Variants in CBFA2T3 observed in about 807,000 individuals in gnomAD.
CBFA2T3 encodes the protein CBFA2/RUNX1 partner transcriptional co-repressor 3, also known as transcriptional corepressor CBFA2T3.
CBFA2T3 carries 31 observed loss-of-function variants against 58.6 expected under a neutral mutation model. The observed-to-expected ratio is 0.53, with a 90% CI of 0.40 to 0.71. CBFA2T3 has a LOEUF of 0.71. Ranked by LOEUF, CBFA2T3 falls within the 30% of genes least tolerant of loss-of-function variation. The pLI is 0.00. For missense variants in CBFA2T3, 1,076 were observed against 963.1 expected, an observed-to-expected ratio of 1.12 and a Z score of -1.55; for synonymous variants, 531 against 421.9, an observed-to-expected ratio of 1.26 and a Z score of -3.17.
intron 1 of CBFA2T3, among the ~76,000 whole-genome samples, chr16:88,975,032 C>CT: frequency 7.1e-6 from 1 of 140,874 alleles, no homozygotes; most frequent in Non-Finnish European, 1.6e-5. Context: ...CAAGTGAGAC[C>CT]CTGCTCCCTC....
At chr16:88,919,449 G>A (rs960463640) in intron 1 of CBFA2T3, among the ~76,000 whole-genome samples, 3 of 152,188 alleles carry the variant, frequency 2.0e-5, no homozygotes, top group African/African-American at 7.2e-5. Context: ...GCAGCACCAG[G>A]GAACAAGCAC....
intron 5 of CBFA2T3, among the ~76,000 whole-genome samples, chr16:88,889,776 G>GGGACACTTCAAATCCCT (rs1969549422): frequency 6.7e-6 from 1 of 148,318 alleles, no homozygotes; most frequent in African/African-American, 2.5e-5. Context: ...TCCTCCTCCA[G>GGGACACTTCAAATCCCT]GGACGACGCC....
At chr16:88,883,253 G>T (rs1451536854) in intron 7 of CBFA2T3, 3 of 175,098 alleles carry the variant, frequency 1.7e-5, no homozygotes, top group African/African-American at 4.8e-5. Flanking sequence ...AACCTCACTG[G>T]GAGGAGCTGG....
At position 88,876,905 on chromosome 16, in the gene CBFA2T3, A is replaced by G. The variant is rs997715110; in HGVS notation, c.*71T>C. 4.9e-6 allele frequency: 6 copies of G among 1,225,576 alleles called. No homozygotes were observed. The highest frequency in any genetic ancestry group is 1.8e-5 in the South Asian group (1 of 56,066). The allele number at this position is 1,225,576 out of a possible 1,614,324, so 75.9% of individuals were successfully genotyped here. ...AGGCCAGGCATCGGAGGCCAGGCACAGCATCCGGTGGGCCTGGAGCTGGGT... is the reference window on the plus strand; with the variant it reads ...AGGCCAGGCATCGGAGGCCAGGCACGGCATCCGGTGGGCCTGGAGCTGGGT... On this transcript the variant is annotated 3_prime_UTR_variant, in exon 12 of 12. Coordinates refer to ENST00000268679, the MANE Select transcript of CBFA2T3 (RefSeq NM_005187.6).
At position 88,970,997 on chromosome 16, in the gene CBFA2T3, C is replaced by T. The variant is rs1049458674; in HGVS notation, c.151+5660G>A. 4.6e-5 allele frequency among the ~76,000 whole-genome samples: 7 copies of T among 152,106 alleles called. No homozygotes were observed. The South Asian group carries it at 1.0e-3, about 23-fold the overall frequency. On this transcript the variant is annotated intron_variant, in intron 1 of 11. Transcript: ENST00000268679. ...CACGGGCTCGGGAGGCTTGTGGAGCCGCCAGGCAGCCGGGGCTGTGAGTGC... is the reference window on the plus strand; with the variant it reads ...CACGGGCTCGGGAGGCTTGTGGAGCTGCCAGGCAGCCGGGGCTGTGAGTGC...
intron 1 of CBFA2T3, among the ~76,000 whole-genome samples, chr16:88,962,313 T>G (rs966848195): frequency 6.6e-6 from 1 of 152,246 alleles, no homozygotes; most frequent in Non-Finnish European, 1.5e-5. Flanking sequence ...TACTCGTACT[T>G]TTTTACTTTT....
In CBFA2T3 at chr16:88,875,649, C is replaced by T. The variant is rs995658197; in HGVS notation, c.*1327G>A. On this transcript the variant is annotated 3_prime_UTR_variant, in exon 12 of 12. Coordinates refer to ENST00000268679, the MANE Select transcript of CBFA2T3 (RefSeq NM_005187.6). ...GAGGGGGCCGAGAGAGGTCGGAGGG[C>T]GCGGAGAGGAGAGAGGTAGAGGAGG... 4.3e-6 allele frequency: 1 copy of T among 233,326 alleles called. No individual in the cohort carries two copies. Among genetic ancestry groups the T allele is most frequent in the Non-Finnish European group, 8.5e-6 (1 of 118,120 alleles). The allele number at this position is 233,326 out of a possible 1,614,324, so 14.5% of individuals were successfully genotyped here. A position where few individuals can be genotyped will look rare whatever the true frequency, so the allele number is the denominator to read the frequency against.
At chr16:88,913,184 C>T (rs182000906) in intron 1 of CBFA2T3, among the ~76,000 whole-genome samples, 76 of 152,338 alleles carry the variant, frequency 5.0e-4, no homozygotes, top group African/African-American at 7.7e-4. Context: ...TGGACGTCAG[C>T]GGCGGGCAGC....
At position 88,875,213 on chromosome 16, in the gene CBFA2T3, A is replaced by G. The variant is rs1032564322; in HGVS notation, c.*1763T>C. 4.7e-5 allele frequency: 11 copies of G among 232,670 alleles called. No homozygotes were observed. Among genetic ancestry groups the G allele is most frequent in the African/African-American group, 1.1e-4 (5 of 44,732 alleles). The allele number at this position is 232,670 out of a possible 1,614,324, so 14.4% of individuals were successfully genotyped here. On this transcript the variant is annotated 3_prime_UTR_variant, in exon 12 of 12. Transcript: ENST00000268679. The stretch of plus-strand genomic sequence containing the variant: ...GATGCCAAGCCACGGGCCACGCCAC[A>G]CGCACAGATGCCAGGCTGCGGGCCG...
In CBFA2T3 at chr16:88,877,388, G is replaced by A. The variant is rs886260105; in HGVS notation, c.1663-113C>T. ...CACGTCATCACCAGGTGAGAAGAGAGAAACTCCAAAGCCCCACAGCCCTCG... is the reference window on the plus strand; with the variant it reads ...CACGTCATCACCAGGTGAGAAGAGAAAAACTCCAAAGCCCCACAGCCCTCG... On this transcript the variant is annotated intron_variant, in intron 11 of 11. Transcript: ENST00000268679. The A allele has an allele frequency of 5.1e-5, 44 of 856,328 alleles. No individual in the cohort carries two copies. In the African/African-American group the frequency reaches 6.8e-4, roughly 13 times the overall value. The allele number at this position is 856,328 out of a possible 1,614,324, so 53.0% of individuals were successfully genotyped here. A position where few individuals can be genotyped will look rare whatever the true frequency, so the allele number is the denominator to read the frequency against.
At chr16:88,961,396 C>T (rs979888850) in intron 1 of CBFA2T3, among the ~76,000 whole-genome samples, 11 of 151,782 alleles carry the variant, frequency 7.2e-5, no homozygotes, top group South Asian at 6.2e-4. Context: ...TGACCCTCAG[C>T]GCTGGACATT....
intron 1 of CBFA2T3, among the ~76,000 whole-genome samples, chr16:88,954,026 C>T (rs1158011716): frequency 6.6e-6 from 1 of 152,116 alleles, no homozygotes; most frequent in Non-Finnish European, 1.5e-5. Flanking sequence ...CATCTAGAGT[C>T]CTGGTCCTTC....
At position 88,901,643 on chromosome 16, in the gene CBFA2T3, C is replaced by G. The variant is rs1192506119; in HGVS notation, c.165G>C (p.Arg55Ser). Reference protein sequence around the residue: ...PRKGGPAPVDRKAKASAMPDS... With the variant: ...PRKGGPAPVDSKAKASAMPDS... ...CCGGCATCGCTGAGGCCTTAGCTTT[C>G]CTGTCCACTGGGGCTGCGACCAACG... Residue 55 changes from arginine to serine, a missense_variant, in exon 2 of 12, where the codon AGG (arginine) becomes AGC (serine). Arg to Ser is a moderately radical substitution (Grantham distance 110). Coordinates refer to ENST00000268679, the MANE Select transcript of CBFA2T3 (RefSeq NM_005187.6). 2.0e-6 allele frequency: 3 copies of G among 1,531,782 alleles called. No individual in the cohort carries two copies. The highest frequency in any genetic ancestry group is 4.8e-5 in the Admixed American group (2 of 42,024). 94.9% of individuals were successfully genotyped at this position (1,531,782 alleles called of 1,614,324 possible).
intron 1 of CBFA2T3, among the ~76,000 whole-genome samples, chr16:88,926,030 C>T (rs970171330): frequency 3.9e-5 from 6 of 152,216 alleles, no homozygotes; most frequent in African/African-American, 1.2e-4. Flanking sequence ...AGGTCAGCTC[C>T]GTGAGACGGG....
At chr16:88,887,744 C>T (rs1007951889) in intron 5 of CBFA2T3, among the ~76,000 whole-genome samples, 3 of 152,084 alleles carry the variant, frequency 2.0e-5, no homozygotes, top group Non-Finnish European at 4.4e-5. Context: ...GGAGGTGTCA[C>T]CACTAAAATG....
intron 1 of CBFA2T3, among the ~76,000 whole-genome samples, chr16:88,960,808 C>T (rs1972336796): frequency 6.6e-6 from 1 of 152,236 alleles, no homozygotes. Context: ...CTGTGATTTG[C>T]AGCTGACATA....
chr16:88,912,216 G>T (rs1970554144), intron 1 of CBFA2T3, among the ~76,000 whole-genome samples: 1 of 152,370 alleles, frequency 6.6e-6, no homozygotes, highest in Middle Eastern at 3.4e-3. Flanking sequence ...AAGGAGAGAA[G>T]AAAGCCTCCC....
chr16:88,941,023 C>A lies in CBFA2T3; in HGVS notation c.151+35634G>T. The A allele has an allele frequency of 3.1e-6, 3 of 982,512 alleles. No individual in the cohort carries two copies. In the South Asian group the frequency reaches 1.4e-4, roughly 45 times the overall value. 60.9% of individuals were successfully genotyped at this position (982,512 alleles called of 1,614,324 possible). A position where few individuals can be genotyped will look rare whatever the true frequency, so the allele number is the denominator to read the frequency against. ...GCGGGGCGGACACGGCACTTACGGT[C>A]GGGGGGTCCGGGGGATCCGGCGGGC... On this transcript the variant is annotated intron_variant, in intron 1 of 11. Transcript: ENST00000268679.
chr16:88,896,309 G>A (rs1969885093), intron 3 of CBFA2T3, among the ~76,000 whole-genome samples: 1 of 152,170 alleles, frequency 6.6e-6, no homozygotes, highest in Non-Finnish European at 1.5e-5. Flanking sequence ...CCTCAACCGG[G>A]CAACCTGCAC....
Sources: allele counts gnomAD v4.1 joint callset (sites outside exome capture counted in the v4.1 genomes callset), GRCh38; gene constraint gnomAD v4.1.1; transcripts MANE v1.5; gene names NCBI Gene and HGNC (gene_info 2026-07-23, HGNC 2026-07-21).